Variants in GPBP1 observed in about 807,000 individuals in gnomAD.
GPBP1 encodes the protein vasculin.
Under a neutral mutation model 56.5 loss-of-function variants are expected in GPBP1, and 13 were observed. The observed-to-expected ratio is 0.23, with a 90% CI of 0.15 to 0.37. The LOEUF is 0.37. GPBP1 is among the 10% of genes least tolerant of loss of function. The probability of loss-of-function intolerance (pLI) is 1.00; values close to 1 mark genes in which losing one functional copy is unlikely to be tolerated. For synonymous variants in GPBP1, 204 were observed against 188.9 expected (o/e 1.08, Z -0.66); for missense variants, 477 against 572.3 (o/e 0.83, Z 1.70).
intron 2 of GPBP1, among the ~76,000 whole-genome samples, chr5:57,178,540 C>A (rs1579964027): frequency 1.3e-5 from 2 of 152,312 alleles, no homozygotes; most frequent in East Asian, 3.9e-4. Context: ...GCCACTGCGT[C>A]CAGCCTTGTT....
intron 2 of GPBP1, among the ~76,000 whole-genome samples, chr5:57,203,743 A>C (rs1017785677): frequency 6.6e-6 from 1 of 152,222 alleles, no homozygotes; most frequent in Non-Finnish European, 1.5e-5. Flanking sequence ...GAACATTAAA[A>C]TGGAAGTTTT....
intron 10 of GPBP1, among the ~76,000 whole-genome samples, chr5:57,260,518 G>T (rs1036060169): frequency 3.3e-5 from 5 of 152,090 alleles, no homozygotes; most frequent in African/African-American, 1.2e-4. Context: ...TCTTACCTTT[G>T]TGGTGCCTTA....
At chr5:57,220,460 C>CTTT (rs5868040) in intron 3 of GPBP1, among the ~76,000 whole-genome samples, 1 of 138,954 alleles carries the variant, frequency 7.2e-6, no homozygotes, top group African/African-American at 2.6e-5. Flanking sequence ...ACAATTTAAA[C>CTTT]TTTTTTTTTT....
At chr5:57,206,552 C>CGATGCCATGTTGGGT (rs1561338112) in intron 2 of GPBP1, among the ~76,000 whole-genome samples, 1 of 152,132 alleles carries the variant, frequency 6.6e-6, no homozygotes, top group African/African-American at 2.4e-5. Flanking sequence ...GCACCTACAA[C>CGATGCCATGTTGGGT]GATGCCATGT....
At chr5:57,230,423 A>C (rs1429031318) in intron 3 of GPBP1, among the ~76,000 whole-genome samples, 2 of 152,208 alleles carry the variant, frequency 1.3e-5, no homozygotes, top group Non-Finnish European at 2.9e-5. Context: ...GGGAAGAGGA[A>C]TATGGAAATA....
intron 10 of GPBP1, among the ~76,000 whole-genome samples, chr5:57,260,681 G>T (rs532055952): frequency 2.0e-5 from 3 of 151,970 alleles, no homozygotes; most frequent in Non-Finnish European, 4.4e-5. Flanking sequence ...AAGTACTTAG[G>T]GGTTTCATTT....
intron 2 of GPBP1, among the ~76,000 whole-genome samples, chr5:57,183,901 A>G (rs1448004470): frequency 2.0e-5 from 3 of 150,942 alleles, no homozygotes; most frequent in South Asian, 2.1e-4. Context: ...TCAGCCTTCT[A>G]AGTAGCTGGG....
chr5:57,200,880 G>A (rs562687500), intron 2 of GPBP1, among the ~76,000 whole-genome samples: 4 of 152,002 alleles, frequency 2.6e-5, no homozygotes, highest in Non-Finnish European at 5.9e-5. Flanking sequence ...GGGTATCACC[G>A]TGTTAGCCAG....
At chr5:57,210,839 C>G (rs1398077813) in intron 2 of GPBP1, among the ~76,000 whole-genome samples, 2 of 152,172 alleles carry the variant, frequency 1.3e-5, no homozygotes, top group Non-Finnish European at 2.9e-5. Context: ...GTCCTTTTAT[C>G]TGTGCATGTG....
intron 2 of GPBP1, among the ~76,000 whole-genome samples, chr5:57,212,653 C>CTTTTCT (rs891900497): frequency 6.7e-6 from 1 of 149,312 alleles, no homozygotes; most frequent in Non-Finnish European, 1.5e-5. Context: ...CTTAACCTTT[C>CTTTTCT]TTTTCTTTTT....
At chr5:57,177,841 A>T (rs1265381358) in intron 2 of GPBP1, among the ~76,000 whole-genome samples, 3 of 151,584 alleles carry the variant, frequency 2.0e-5, no homozygotes, top group Non-Finnish European at 4.4e-5. Flanking sequence ...ATGGCCTAAC[A>T]TCATAACTTG....
intron 2 of GPBP1, among the ~76,000 whole-genome samples, chr5:57,178,353 T>A (rs1753889884): frequency 1.3e-5 from 2 of 152,156 alleles, no homozygotes; most frequent in South Asian, 4.1e-4. Flanking sequence ...GTTCAAGCGA[T>A]TCTGCCTCAG....
intron 3 of GPBP1, chr5:57,221,425 G>C (rs1328183961): frequency 2.8e-6 from 4 of 1,426,742 alleles, no homozygotes; most frequent in Non-Finnish European, 2.9e-6. Flanking sequence ...ATATTGAACA[G>C]ATATTGAAAA....
chr5:57,223,996 GC>G (rs1415990201), intron 3 of GPBP1, among the ~76,000 whole-genome samples: 1 of 151,346 alleles, frequency 6.6e-6, no homozygotes, highest in African/African-American at 2.4e-5. Context: ...ACCACACCTG[GC>G]TAATATTTTG....
At chr5:57,237,134 C>T (rs755583828) in intron 6 of GPBP1, 12 of 1,549,798 alleles carry the variant, frequency 7.7e-6, no homozygotes, top group East Asian at 4.9e-5. Flanking sequence ...CAGACACACA[C>T]ATACCCAACC....
At chr5:57,186,173 A>T (rs1394540893) in intron 2 of GPBP1, among the ~76,000 whole-genome samples, 1 of 150,484 alleles carries the variant, frequency 6.6e-6, no homozygotes, top group African/African-American at 2.4e-5. Context: ...GAGGCTGGAG[A>T]ATCCTTTTAC....
chr5:57,231,951 A>C lies in GPBP1; in HGVS notation c.411+630A>C, dbSNP rs1008615155. ...TGTTAAGACTGAAAGGAAGAGAGAG[A>C]GAGCTCATGCCAAGATGCGATCATC... On this transcript the variant is annotated intron_variant, in intron 5 of 11. Transcript: ENST00000506184. Among the ~76,000 whole-genome samples, 4 of 151,866 alleles carry C rather than the reference A, an allele frequency of 2.6e-5. No individual in the cohort carries two copies. The South Asian group carries it at 6.3e-4, about 24-fold the overall frequency.
intron 2 of GPBP1, among the ~76,000 whole-genome samples, chr5:57,183,765 A>ATTTTTTTTTT (rs34608817): frequency 7.5e-5 from 10 of 133,284 alleles, no homozygotes; most frequent in Non-Finnish European, 7.8e-5. Context: ...GGGGATATGA[A>ATTTTTTTTTT]TTTTTTTTTT....
intron 3 of GPBP1, among the ~76,000 whole-genome samples, chr5:57,230,376 C>G (rs527936974): frequency 6.6e-6 from 1 of 152,198 alleles, no homozygotes; most frequent in South Asian, 2.1e-4. Flanking sequence ...ATTGTACATT[C>G]TTTTATTTTG....
Sources: allele counts gnomAD v4.1 joint callset (sites outside exome capture counted in the v4.1 genomes callset), GRCh38; gene constraint gnomAD v4.1.1; transcripts MANE v1.5; gene names NCBI Gene and HGNC (gene_info 2026-07-23, HGNC 2026-07-21).